ARHGEF4: variants seen among roughly 807,000 people sequenced by gnomAD.
ARHGEF4 encodes APC-stimulated guanine nucleotide exchange factor 1.
A neutral mutation model predicts 162.0 loss-of-function variants in ARHGEF4; 119 were observed. That is an observed-to-expected ratio of 0.73 (90% CI 0.63 to 0.86). The LOEUF is 0.86. ARHGEF4 is among the 40% of genes least tolerant of loss of function. The pLI, the probability that ARHGEF4 is intolerant of heterozygous loss-of-function variation, is 0.00. For missense variants in ARHGEF4, 2,488 were observed against 2,456.0 expected (o/e 1.01, Z -0.28); for synonymous variants, 1,014 against 979.9 (o/e 1.03, Z -0.65).
chr2:130,926,243 A>G (rs935896068), intron 2 of ARHGEF4, among the ~76,000 whole-genome samples: 2 of 151,816 alleles, frequency 1.3e-5, no homozygotes, highest in Non-Finnish European at 2.9e-5. Context: ...TATTCTTTAT[A>G]TATTCTATTT....
rs1409628106 is a variant in ARHGEF4, at chr2:131,041,825, G to A, written c.4906G>A (p.Asp1636Asn). Residue 1636 changes from aspartate (D) to asparagine (N), a missense_variant, in exon 10 of 14, where the codon GAT becomes AAT. By Grantham distance (23) the Asp-to-Asn change is conservative (BLOSUM62 1). Around this residue, in one of 6 missense-constraint regions of ARHGEF4, gnomAD observed 415 missense variants for 512.4 expected, o/e 0.81. Coordinates refer to ENST00000409359, the MANE Select transcript of ARHGEF4 (RefSeq NM_001367493.1). Reference sequence around the variant, plus strand: ...TCTGTTCTGCCCCAGGGACTTCAAGGATGTTGAAGCCGCCTTGCATGCCAT... The same window carrying A: ...TCTGTTCTGCCCCAGGGACTTCAAGAATGTTGAAGCCGCCTTGCATGCCAT... ...YTHPQHRDFK[D>N]VEAALHAMKN... The A allele has an allele frequency of 1.9e-6, 3 of 1,613,208 alleles. No individual in the cohort carries two copies. Among genetic ancestry groups the A allele is most frequent in the Non-Finnish European group, 2.5e-6 (3 of 1,179,994 alleles).
intron 2 of ARHGEF4, among the ~76,000 whole-genome samples, chr2:130,927,007 T>G (rs1214525062): frequency 1.9e-4 from 29 of 151,284 alleles, no homozygotes; most frequent in Admixed American, 1.9e-3. Context: ...GAGGTTATCT[T>G]GGGGTTGGCA....
intron 4 of ARHGEF4, among the ~76,000 whole-genome samples, chr2:130,986,100 TTG>T (rs1309266846): frequency 1.3e-5 from 2 of 152,160 alleles, no homozygotes; most frequent in South Asian, 2.1e-4. Context: ...GTTGTGTCTA[TTG>T]TGTGTGCATG....
intron 5 of ARHGEF4, among the ~76,000 whole-genome samples, chr2:131,037,080 C>T (rs1286660099): frequency 9.2e-5 from 14 of 152,248 alleles, no homozygotes; most frequent in Admixed American, 9.1e-4. Context: ...AAGCCTGCTG[C>T]CCCCAGGAAT....
At chr2:131,011,540 G>A (rs139385531) in intron 4 of ARHGEF4, 2 of 1,261,962 alleles carry the variant, frequency 1.6e-6, no homozygotes, top group East Asian at 2.5e-5. Flanking sequence ...TGAATATCAG[G>A]ACCTCAAGCA....
At chr2:131,023,074 CAA>C (rs56868632) in intron 4 of ARHGEF4, among the ~76,000 whole-genome samples, 1,211 of 66,612 alleles carry the variant, frequency 0.018, 27 homozygotes, top group African/African-American at 0.062. Flanking sequence ...AACCCTGTCT[CAA>C]AAAAAAAAAA....
At chr2:130,885,186 A>G (rs965933195) in intron 1 of ARHGEF4, among the ~76,000 whole-genome samples, 1 of 152,046 alleles carries the variant, frequency 6.6e-6, no homozygotes, top group Non-Finnish European at 1.5e-5. Context: ...CAGATGTTTG[A>G]AGGCACTGTA....
In ARHGEF4 at chr2:130,916,453, ATCCGCCCGC is replaced by A. The variant is rs1224362783; in HGVS notation, c.2509_2517del (p.Pro837_Ala839del). 5.0e-5 allele frequency: 77 copies of A among 1,541,682 alleles called. No homozygotes were observed. The highest frequency in any genetic ancestry group is 6.3e-5 in the Non-Finnish European group (72 of 1,145,786). On this transcript the variant is annotated inframe_deletion, in exon 2 of 14. Transcript: ENST00000409359. ...GGCCCCGAGGGGCTCCCCAGGGAGA[ATCCGCCCGC>A]TGCGGCCGGTCGGGACGCACCGCCT...
intron 1 of ARHGEF4, among the ~76,000 whole-genome samples, chr2:130,885,397 A>G (rs1679449318): frequency 6.7e-6 from 1 of 150,252 alleles, no homozygotes; most frequent in Admixed American, 6.6e-5. Context: ...CCCGGCCTAC[A>G]TAATAGCATT....
chr2:130,852,322 AG>A (rs1298449012), intron 1 of ARHGEF4, among the ~76,000 whole-genome samples: 4 of 152,198 alleles, frequency 2.6e-5, no homozygotes, highest in Non-Finnish European at 4.4e-5. Context: ...ACCCTGTCAA[AG>A]GGGAAAGGAG....
intron 4 of ARHGEF4, among the ~76,000 whole-genome samples, chr2:130,952,592 A>C (rs998020090): frequency 6.6e-5 from 10 of 152,166 alleles, no homozygotes; most frequent in African/African-American, 2.4e-4. Flanking sequence ...GCAATAAAGG[A>C]TATTCAGTTA....
rs1055495590 is a variant in ARHGEF4 at position 131,035,041 on chromosome 2, G to C, written c.4126-3812G>C. On this transcript the variant is annotated intron_variant, in intron 5 of 13. Coordinates refer to ENST00000409359, the MANE Select transcript of ARHGEF4 (RefSeq NM_001367493.1). Reference sequence around the variant, plus strand: ...CCCGGGCGCTGCGGGCCACCGGCTCGGCCCTGTGCGGCGGGATCTCGGGGC... The same window carrying C: ...CCCGGGCGCTGCGGGCCACCGGCTCCGCCCTGTGCGGCGGGATCTCGGGGC... 3.0e-6 allele frequency: 3 copies of C among 993,224 alleles called. No individual in the cohort carries two copies. The South Asian group carries it at 1.4e-4, about 45-fold the overall frequency. 61.5% of individuals were successfully genotyped at this position (993,224 alleles called of 1,614,324 possible).
intron 1 of ARHGEF4, among the ~76,000 whole-genome samples, chr2:130,849,529 G>A (rs1463613858): frequency 2.0e-5 from 3 of 152,020 alleles, no homozygotes; most frequent in East Asian, 1.9e-4. Flanking sequence ...CTAAGCAGAG[G>A]GACCACTATC....
At chr2:130,906,069 G>A (rs1431610169) in intron 1 of ARHGEF4, among the ~76,000 whole-genome samples, 1 of 152,136 alleles carries the variant, frequency 6.6e-6, no homozygotes, top group Non-Finnish European at 1.5e-5. Flanking sequence ...CTTTTCAGTT[G>A]GCTTCTGTGC....
chr2:131,035,401 G>T (rs1415300317), intron 5 of ARHGEF4: 1 of 825,046 alleles, frequency 1.2e-6, no homozygotes, highest in Non-Finnish European at 1.6e-6. Flanking sequence ...CCTGGTCCGG[G>T]GGTGTCGCCG....
intron 4 of ARHGEF4, among the ~76,000 whole-genome samples, chr2:130,976,437 T>C (rs1254303222): frequency 6.6e-6 from 1 of 151,926 alleles, no homozygotes; most frequent in Non-Finnish European, 1.5e-5. Flanking sequence ...TGCTTGCACC[T>C]GCACGCAGAC....
At chr2:130,956,950 CT>C (rs1221353177) in intron 4 of ARHGEF4, among the ~76,000 whole-genome samples, 2 of 151,690 alleles carry the variant, frequency 1.3e-5, no homozygotes, top group Non-Finnish European at 2.9e-5. Context: ...TACCCTAAAA[CT>C]TAAAGTATAA....
At chr2:130,950,692 C>CCG (rs1558760106) in intron 4 of ARHGEF4, among the ~76,000 whole-genome samples, 2 of 143,398 alleles carry the variant, frequency 1.4e-5, no homozygotes, top group East Asian at 2.1e-4. Context: ...TATTACCCCC[C>CCG]ACCACCACCC....
At chr2:130,936,271 G>T (rs1558741975) in intron 3 of ARHGEF4, among the ~76,000 whole-genome samples, 1 of 152,160 alleles carries the variant, frequency 6.6e-6, no homozygotes, top group East Asian at 1.9e-4. Context: ...TATTGGAAGG[G>T]TGTTGAAGTC....
Sources: gnomAD v4.1 joint callset for allele counts (sites outside exome capture counted in the v4.1 genomes callset) on GRCh38, gnomAD v4.1.1 for gene constraint, gnomAD v4.1.1 regional missense constraint, MANE v1.5 for transcripts, NCBI Gene and HGNC (gene_info 2026-07-23, HGNC 2026-07-21) for gene names.